The following NBEA variants were observed in gnomAD, a reference collection of about 807,000 sequenced individuals.
NBEA encodes neurobeachin, also known as lysosomal-trafficking regulator 2.
Under a neutral mutation model 343.4 loss-of-function variants are expected in NBEA, and 44 were observed. The ratio of observed to expected loss-of-function variants is 0.13; its 90% CI spans 0.10 to 0.16. The LOEUF (loss-of-function observed/expected upper bound fraction) is 0.16. Ranked by LOEUF, NBEA falls within the 10% of genes least tolerant of loss-of-function variation. The pLI is 1.00. For synonymous variants in NBEA, 1,175 were observed against 1,238.7 expected, an observed-to-expected ratio of 0.95 and a Z score of 1.08; for missense variants, 2,555 against 3,631.3, an observed-to-expected ratio of 0.70 and a Z score of 7.62.
chr13:35,414,671 A>T (rs1417671371), intron 38 of NBEA, among the ~76,000 whole-genome samples: 7 of 152,194 alleles, frequency 4.6e-5, no homozygotes, highest in Non-Finnish European at 8.8e-5. Context: ...TGCTATTGTG[A>T]ATAGTGCCAC....
chr13:35,340,207 T>C (rs1028184271), intron 36 of NBEA, among the ~76,000 whole-genome samples: 1 of 152,140 alleles, frequency 6.6e-6, no homozygotes, highest in African/African-American at 2.4e-5. Flanking sequence ...TTTGCAGTAC[T>C]TAGAAGGTTA....
chr13:35,651,945 A>T, intron 53 of NBEA, 69 bp downstream of exon 53: 1 of 875,550 alleles, frequency 1.1e-6, no homozygotes, highest in South Asian at 1.6e-5. Context: ...TATTTTTCAT[A>T]AGATAGTTGA....
chr13:35,015,502 C>A (rs948628957), intron 1 of NBEA, among the ~76,000 whole-genome samples: 1 of 151,920 alleles, frequency 6.6e-6, no homozygotes, highest in Non-Finnish European at 1.5e-5. Flanking sequence ...TATACAACTA[C>A]TTTCCATTTT....
At chr13:35,316,630 G>A (rs2037746011) in intron 36 of NBEA, among the ~76,000 whole-genome samples, 1 of 152,096 alleles carries the variant, frequency 6.6e-6, no homozygotes, top group Admixed American at 6.5e-5. Context: ...ACCCAGTAAT[G>A]GGATTGCTGG....
At chr13:35,550,354 G>A in intron 41 of NBEA, 123 bp from the exon 42 acceptor site, 1 of 589,254 alleles carries the variant, frequency 1.7e-6, no homozygotes, top group Non-Finnish European at 2.9e-6. Flanking sequence ...TCAAATTATT[G>A]ACAATGTTGT....
At chr13:35,428,003 A>T (rs12427841) in intron 38 of NBEA, among the ~76,000 whole-genome samples, 2 of 151,960 alleles carry the variant, frequency 1.3e-5, no homozygotes, top group African/African-American at 2.4e-5. Context: ...TTAGGGTGGG[A>T]GTGACCTGAT....
intron 1 of NBEA, among the ~76,000 whole-genome samples, chr13:34,949,938 T>G (rs1236747358): frequency 6.6e-6 from 1 of 152,210 alleles, no homozygotes; most frequent in Non-Finnish European, 1.5e-5. Context: ...TAAGTAGTTA[T>G]ATGTATGAAA....
chr13:35,458,141 A>G (rs1392771890), intron 40 of NBEA, among the ~76,000 whole-genome samples: 2 of 152,172 alleles, frequency 1.3e-5, no homozygotes, highest in South Asian at 2.1e-4. Context: ...CTTTTAGACT[A>G]TTTACCGAAG....
At chr13:35,166,287 A>G (rs1178943207) in intron 24 of NBEA, among the ~76,000 whole-genome samples, 1 of 152,116 alleles carries the variant, frequency 6.6e-6, no homozygotes, top group African/African-American at 2.4e-5. Context: ...AAAGATCTTT[A>G]ACTATTAAGA....
At chr13:35,163,160 C>T (rs2069702648) in intron 23 of NBEA, among the ~76,000 whole-genome samples, 2 of 151,968 alleles carry the variant, frequency 1.3e-5, no homozygotes. Flanking sequence ...AATGGGCTCT[C>T]ATGAAATTAC....
intron 33 of NBEA, among the ~76,000 whole-genome samples, chr13:35,216,273 T>G (rs1265043995): frequency 6.6e-6 from 1 of 151,842 alleles, no homozygotes; most frequent in Non-Finnish European, 1.5e-5. Context: ...ATTGAGTGTC[T>G]ATAAACTGTG....
chr13:35,625,342 T>C (rs2083175840), intron 48 of NBEA, among the ~76,000 whole-genome samples: 1 of 152,118 alleles, frequency 6.6e-6, no homozygotes, highest in Non-Finnish European at 1.5e-5. Flanking sequence ...TCAGGCCAGG[T>C]GCAGTTGCTC....
In NBEA at chr13:35,645,015, A is replaced by G. The variant is rs184499537; in HGVS notation, c.7618-854A>G. Among the ~76,000 whole-genome samples, 548 of 152,392 alleles carry G rather than the reference A, an allele frequency of 3.6e-3. 2 individuals carry two copies. The highest frequency in any genetic ancestry group is 0.012 in the African/African-American group (518 of 41,600). Reference sequence around the variant, plus strand: ...GCTAAAATATGGCAGATAATGATGCATTCATATTTAATATTGCTAATAAAT... The same window carrying G: ...GCTAAAATATGGCAGATAATGATGCGTTCATATTTAATATTGCTAATAAAT... On this transcript the variant is annotated intron_variant, in intron 49 of 58. Transcript: ENST00000379939.
intron 41 of NBEA, among the ~76,000 whole-genome samples, chr13:35,484,268 GTGTGTGTA>G (rs1417163420): frequency 0.012 from 1,325 of 107,302 alleles, 18 homozygotes; most frequent in African/African-American, 0.028. Flanking sequence ...GTGTGTGTGT[GTGTGTGTA>G]TATATATATA....
intron 45 of NBEA, among the ~76,000 whole-genome samples, chr13:35,580,408 C>T (rs1485114419): frequency 3.9e-5 from 6 of 152,040 alleles, no homozygotes; most frequent in Non-Finnish European, 5.9e-5. Flanking sequence ...GTAGCCTTAC[C>T]TTTTGACCAG....
intron 38 of NBEA, among the ~76,000 whole-genome samples, chr13:35,426,627 G>C (rs1321937478): frequency 1.3e-5 from 2 of 152,056 alleles, no homozygotes; most frequent in Non-Finnish European, 2.9e-5. Flanking sequence ...ATGTGTCTTG[G>C]AGTTGCTCTT....
At chr13:35,235,063 C>T (rs2075160070) in intron 34 of NBEA, among the ~76,000 whole-genome samples, 1 of 152,068 alleles carries the variant, frequency 6.6e-6, no homozygotes, top group Admixed American at 6.5e-5. Context: ...AATATTATAT[C>T]AAGCCATGTA....
chr13:35,251,348 C>T, intron 34 of NBEA: 1 of 1,020,512 alleles, frequency 9.8e-7, no homozygotes, highest in Non-Finnish European at 1.2e-6. Flanking sequence ...CTCACATCCT[C>T]ACCAGCCTTG....
At chr13:34,947,853 G>A (rs936641254) in intron 1 of NBEA, among the ~76,000 whole-genome samples, 32 of 152,094 alleles carry the variant, frequency 2.1e-4, no homozygotes, top group Admixed American at 2.1e-3. Context: ...TAAACTTTAT[G>A]TATTTCTTAT....
Sources: allele counts gnomAD v4.1 joint callset (sites outside exome capture counted in the v4.1 genomes callset), GRCh38; gene constraint gnomAD v4.1.1; transcripts MANE v1.5; gene names NCBI Gene and HGNC (gene_info 2026-07-23, HGNC 2026-07-21).